Variants in LRRC31 observed in about 807,000 individuals in gnomAD.
The protein encoded by LRRC31 is leucine rich repeat containing 31, also known as leucine-rich repeat-containing protein 31.
Under a neutral mutation model 46.7 loss-of-function variants are expected in LRRC31, and 35 were observed. That is an observed-to-expected ratio of 0.75 (90% confidence interval 0.57 to 0.99). The LOEUF is 0.99. Ranked by LOEUF, LRRC31 falls within the 50% of genes least tolerant of loss-of-function variation. LRRC31 has a pLI of 0.00. For missense variants in LRRC31, 613 were observed against 626.1 expected, an observed-to-expected ratio of 0.98 and a Z score of 0.22; for synonymous variants, 236 against 235.1, an observed-to-expected ratio of 1.00 and a Z score of -0.03.
chr3:169,848,793 T>C (rs996034191), intron 7 of LRRC31, among the ~76,000 whole-genome samples: 1 of 152,220 alleles, frequency 6.6e-6, no homozygotes, highest in Admixed American at 6.5e-5. Context: ...TTGGAAACTT[T>C]AGCAATGCAA....
At chr3:169,864,293 T>C (rs1781262020) in intron 1 of LRRC31, among the ~76,000 whole-genome samples, 1 of 152,180 alleles carries the variant, frequency 6.6e-6, no homozygotes, top group South Asian at 2.1e-4. Context: ...CACTCCTCTA[T>C]CCAAATACAT....
chr3:169,856,648 C>A, intron 4 of LRRC31, 57 bp downstream of exon 4: 1 of 1,491,878 alleles, frequency 6.7e-7, no homozygotes, highest in South Asian at 1.4e-5. Context: ...CAGCAAACTT[C>A]CCAAGCTATC....
intron 1 of LRRC31, among the ~76,000 whole-genome samples, chr3:169,863,655 A>G (rs1168636974): frequency 6.6e-6 from 1 of 152,218 alleles, no homozygotes; most frequent in Non-Finnish European, 1.5e-5. Context: ...TTCCGTTTTT[A>G]TGGCACATTG....
chr3:169,869,598 T>A, intron 1 of LRRC31, 35 bp downstream of exon 1: 1 of 1,533,992 alleles, frequency 6.5e-7, no homozygotes, highest in Non-Finnish European at 8.7e-7. Flanking sequence ...ACAAAACAAA[T>A]ACAACAGCAA....
chr3:169,841,913 C>T (rs888669770), intron 8 of LRRC31, among the ~76,000 whole-genome samples: 2 of 151,918 alleles, frequency 1.3e-5, no homozygotes, highest in Admixed American at 1.3e-4. Flanking sequence ...GGCATGGTGG[C>T]GGGCACCTGT....
At position 169,856,474 on chromosome 3, in the gene LRRC31, C is replaced by A; in HGVS notation, c.685G>T (p.Glu229Ter). 2 of 1,600,264 alleles carry A rather than the reference C, an allele frequency of 1.2e-6. No homozygotes were observed. Among genetic ancestry groups the A allele is most frequent in the Non-Finnish European group, 1.7e-6 (2 of 1,174,012 alleles). Reference sequence around the variant, plus strand: ...CTGTTAATGGAAAGATCAAGTACTTCGAGACTTTGCAGCATAGGTAGCAGT... The same window carrying A: ...CTGTTAATGGAAAGATCAAGTACTTAGAGACTTTGCAGCATAGGTAGCAGT... ...GQLLPMLQSL[E>*]VLDLSINRDI... The change falls in exon 5 of 9, where the codon GAA becomes TAA. Residue 229 changes from glutamate (E) to a stop codon, truncating the protein, a stop_gained. Coordinates refer to ENST00000316428, the MANE Select transcript of LRRC31 (RefSeq NM_024727.4). LOFTEE classifies it high-confidence loss of function.
intron 8 of LRRC31, among the ~76,000 whole-genome samples, chr3:169,847,523 T>C (rs1780642143): frequency 6.6e-6 from 1 of 152,214 alleles, no homozygotes; most frequent in Admixed American, 6.5e-5. Context: ...GTAGCCTCAA[T>C]CCCACAGTGC....
At chr3:169,851,983 G>T (rs1309241810) in intron 6 of LRRC31, among the ~76,000 whole-genome samples, 197 bp from the exon 7 acceptor site, 1 of 151,826 alleles carries the variant, frequency 6.6e-6, no homozygotes, top group Non-Finnish European at 1.5e-5. Context: ...CCCTTTTCAG[G>T]CTAGAAGAGC....
At chr3:169,856,999 C>A in intron 3 of LRRC31, 127 bp from the exon 4 acceptor site, 1 of 790,510 alleles carries the variant, frequency 1.3e-6, no homozygotes, top group Non-Finnish European at 1.9e-6. Flanking sequence ...TGTTTGGCAC[C>A]GAGGAACAGA....
At chr3:169,866,980 A>G (rs924710689) in intron 1 of LRRC31, among the ~76,000 whole-genome samples, 10 of 148,546 alleles carry the variant, frequency 6.7e-5, no homozygotes, top group Admixed American at 2.7e-4. Flanking sequence ...AGAAAGAAAC[A>G]AAATCGGCCA....
At chr3:169,862,581 T>G (rs1419781615) in intron 1 of LRRC31, among the ~76,000 whole-genome samples, 1 of 151,940 alleles carries the variant, frequency 6.6e-6, no homozygotes, top group Non-Finnish European at 1.5e-5. Context: ...GCCAACATGG[T>G]GAAATGCTGT....
At chr3:169,869,272 G>A (rs1781420634) in intron 1 of LRRC31, among the ~76,000 whole-genome samples, 1 of 151,938 alleles carries the variant, frequency 6.6e-6, no homozygotes, top group Non-Finnish European at 1.5e-5. Flanking sequence ...TCGGGAGGCT[G>A]AGGCAGGAGA....
chr3:169,844,082 G>A (rs1207305169), intron 8 of LRRC31, among the ~76,000 whole-genome samples: 1 of 152,126 alleles, frequency 6.6e-6, no homozygotes, highest in African/African-American at 2.4e-5. Context: ...AATAAAAGAG[G>A]AAGGAACACT....
intron 7 of LRRC31, 57 bp downstream of exon 7, chr3:169,851,559 AAAG>A: frequency 6.6e-7 from 1 of 1,508,632 alleles, no homozygotes; most frequent in African/African-American, 1.4e-5. Context: ...ATGCAGGGAA[AAAG>A]AAGTCTCCCT....
Position 169,869,878 on chromosome 3 carries a change from A to G in LRRC31, c.-71T>C. 7.3e-7 allele frequency: 1 copy of G among 1,374,182 alleles called. No individual in the cohort carries two copies. Among genetic ancestry groups the G allele is most frequent in the Non-Finnish European group, 9.8e-7 (1 of 1,018,780 alleles). 85.1% of individuals were successfully genotyped at this position (1,374,182 alleles called of 1,614,324 possible). On this transcript the variant is annotated 5_prime_UTR_variant, in exon 1 of 9. Coordinates refer to ENST00000316428, the MANE Select transcript of LRRC31 (RefSeq NM_024727.4). Reference sequence around the variant, plus strand: ...CTTTCTGTTTTCTAGGATTTCTAAGAAGAAAAGAAGATTCTGTCAAGCCTG... The same window carrying G: ...CTTTCTGTTTTCTAGGATTTCTAAGGAGAAAAGAAGATTCTGTCAAGCCTG...
intron 1 of LRRC31, 149 bp from the exon 2 acceptor site, chr3:169,861,962 G>A (rs1781181275): frequency 3.7e-6 from 3 of 819,722 alleles, no homozygotes; most frequent in Admixed American, 2.8e-5. Flanking sequence ...CATTTACTAG[G>A]GACAAAGCTT....
chr3:169,853,727 A>T (rs1174888653), intron 6 of LRRC31: 1 of 982,270 alleles, frequency 1.0e-6, no homozygotes, highest in Non-Finnish European at 1.2e-6. Flanking sequence ...ATTGAGAGAT[A>T]AGAGTCTGAA....
intron 6 of LRRC31, among the ~76,000 whole-genome samples, chr3:169,852,415 A>C (rs1171504474): frequency 3.3e-5 from 5 of 150,486 alleles, no homozygotes; most frequent in African/African-American, 1.2e-4. Flanking sequence ...AAAAAAAAAA[A>C]AAAAAAAAAA....
At position 169,839,523 on chromosome 3, in the gene LRRC31, A is replaced by C. The variant is rs1204397282; in HGVS notation, c.*459T>G. 3 of 151,978 alleles carry C rather than the reference A, an allele frequency of 2.0e-5. No individual in the cohort carries two copies. Among genetic ancestry groups the C allele is most frequent in the Non-Finnish European group, 2.9e-5 (2 of 67,958 alleles). 9.4% of individuals were successfully genotyped at this position (151,978 alleles called of 1,614,324 possible). A position where few individuals can be genotyped will look rare whatever the true frequency, so the allele number is the denominator to read the frequency against. On this transcript the variant is annotated 3_prime_UTR_variant, in exon 9 of 9. Coordinates refer to ENST00000316428, the MANE Select transcript of LRRC31 (RefSeq NM_024727.4). Reference sequence around the variant, plus strand: ...GACAGCTAGTGCCTTTCACATTAGAATTACACACACACACACATACCCCTT... The same window carrying C: ...GACAGCTAGTGCCTTTCACATTAGACTTACACACACACACACATACCCCTT...
Sources: allele counts gnomAD v4.1 joint callset (sites outside exome capture counted in the v4.1 genomes callset), GRCh38; gene constraint gnomAD v4.1.1; transcripts MANE v1.5; gene names NCBI Gene and HGNC (gene_info 2026-07-23, HGNC 2026-07-21).